The following SLTM variants were observed in gnomAD, a reference collection of about 807,000 sequenced individuals.
The protein encoded by SLTM is SAFB-like transcription modulator.
A neutral mutation model predicts 134.6 loss-of-function variants in SLTM; 43 were observed. The ratio of observed to expected loss-of-function variants is 0.32; its 90% confidence interval spans 0.25 to 0.41. The LOEUF (loss-of-function observed/expected upper bound fraction) is 0.41, where lower values mean the gene tolerates loss of function less well. Ranked by LOEUF, SLTM falls within the 10% of genes least tolerant of loss-of-function variation. The pLI is 1.00. For synonymous variants in SLTM, 424 were observed against 432.3 expected, an observed-to-expected ratio of 0.98 and a Z score of 0.24; for missense variants, 1,055 against 1,288.8, an observed-to-expected ratio of 0.82 and a Z score of 2.78.
intron 8 of SLTM, 147 bp downstream of exon 8, chr15:58,898,656 C>T: frequency 1.6e-6 from 1 of 615,608 alleles, no homozygotes; most frequent in Non-Finnish European, 2.9e-6. Context: ...TATAATTCCA[C>T]AGTTTATATA....
chr15:58,890,434 A>ACG lies in SLTM; in HGVS notation c.1924_1925dup (p.Arg643ValfsTer9). 6.2e-7 allele frequency: 1 copy of ACG among 1,613,756 alleles called. No homozygotes were observed. The highest frequency in any genetic ancestry group is 8.5e-7 in the Non-Finnish European group (1 of 1,179,974). On this transcript the variant is annotated frameshift_variant, in exon 15 of 21. Coordinates refer to ENST00000380516, the MANE Select transcript of SLTM (RefSeq NM_024755.4). LOFTEE classifies it high-confidence loss of function. ...TTATTCTAATGCGTTCTCGCTCTCG[A>ACG]CGCTCTCTCTCTGCAATCTCTCTTC...
At chr15:58,914,468 G>A (rs981356040) in intron 3 of SLTM, among the ~76,000 whole-genome samples, 2 of 152,214 alleles carry the variant, frequency 1.3e-5, no homozygotes, top group South Asian at 2.1e-4. Flanking sequence ...GTGAGGAAAT[G>A]GAAATTTCTA....
At chr15:58,916,843 C>T (rs1246519944) in intron 3 of SLTM, 92 bp downstream of exon 3, 43 of 999,522 alleles carry the variant, frequency 4.3e-5, no homozygotes, top group Admixed American at 7.8e-5. Context: ...CTACATACTT[C>T]AGTGACCATT....
In SLTM at chr15:58,894,108, G is replaced by C. The variant is rs370727636; in HGVS notation, c.1463C>G (p.Thr488Arg). ...TCCTTACTTGCTACTTCTATCACTC[G>C]TATTTTTTTTATCTCCAGAACTTCT... ...SSRSSGDKKN[T>R]SDRSSKTQAS... Residue 488 changes from threonine (T) to arginine (R), a missense_variant, in exon 11 of 21, where the codon ACG (threonine) becomes AGG (arginine). Thr to Arg is a moderately conservative substitution (Grantham distance 71). Around this residue, in one of 3 missense-constraint regions of SLTM, gnomAD observed 776 missense variants for 962.2 expected, o/e 0.81. Transcript: ENST00000380516. The C allele has an allele frequency of 1.2e-6, 2 of 1,604,986 alleles. No individual in the cohort carries two copies. The highest frequency in any genetic ancestry group is 3.5e-5 in the Admixed American group (2 of 57,852).
intron 2 of SLTM, among the ~76,000 whole-genome samples, chr15:58,931,112 T>C (rs910886252): frequency 1.3e-5 from 2 of 152,206 alleles, no homozygotes; most frequent in Non-Finnish European, 2.9e-5. Context: ...CATTTTGAAA[T>C]AGCCTCTGGT....
At chr15:58,914,907 C>G (rs867471415) in intron 3 of SLTM, among the ~76,000 whole-genome samples, 2 of 152,124 alleles carry the variant, frequency 1.3e-5, no homozygotes, top group Non-Finnish European at 2.9e-5. Flanking sequence ...TTTTAAAAAG[C>G]TCCTAGGGCT....
At chr15:58,900,612 C>G (rs566108466) in intron 6 of SLTM, 1 of 152,654 alleles carries the variant, frequency 6.6e-6, no homozygotes, top group African/African-American at 2.4e-5. Flanking sequence ...CAGTCAGTAG[C>G]TTCATTTCAT....
intron 2 of SLTM, chr15:58,921,528 T>C (rs1433888148): frequency 2.3e-6 from 1 of 431,590 alleles, no homozygotes; most frequent in East Asian, 7.2e-5. Context: ...TCCCATACTG[T>C]TTCCAACAGC....
chr15:58,898,788 A>G lies in SLTM; in HGVS notation c.1108+15T>C. On this transcript the variant is annotated intron_variant, in intron 8 of 20. Transcript: ENST00000380516. ...AATGTCAACACTGAAATAAATAGGG[A>G]AAAAAATTCTTTACCTTTGTCATCT... The G allele has an allele frequency of 6.3e-7, 1 of 1,587,300 alleles. No homozygotes were observed. The highest frequency in any genetic ancestry group is 8.6e-7 in the Non-Finnish European group (1 of 1,160,682).
At chr15:58,916,454 G>C (rs140510435) in intron 3 of SLTM, 5 of 153,376 alleles carry the variant, frequency 3.3e-5, no homozygotes, top group African/African-American at 1.2e-4. Context: ...GATTACAGGC[G>C]TAAGCCACGG....
intron 2 of SLTM, among the ~76,000 whole-genome samples, chr15:58,918,488 G>C (rs2036801757): frequency 6.6e-6 from 1 of 152,144 alleles, no homozygotes; most frequent in Non-Finnish European, 1.5e-5. Flanking sequence ...GTGATAAAAG[G>C]GGAAAAGATA....
intron 9 of SLTM, 116 bp from the exon 10 acceptor site, chr15:58,894,698 G>A: frequency 4.9e-6 from 4 of 815,430 alleles, no homozygotes; most frequent in Non-Finnish European, 7.3e-6. Context: ...ATCTTATTCT[G>A]TCTCATGTTT....
rs2035296082 is a variant in SLTM at position 58,899,141 on chromosome 15, T to G, written c.1059-289A>C. On this transcript the variant is annotated intron_variant, in intron 7 of 20. Coordinates refer to ENST00000380516, the MANE Select transcript of SLTM (RefSeq NM_024755.4). This position sits in a 1 kb window ranked among gnomAD's most constrained non-coding sequence, Gnocchi z 5.0. ...TGACTTCATTTTGTGTTCTTAGAACTGATAGTTGTTCATTAACCATCATCA... is the reference window on the plus strand; with the variant it reads ...TGACTTCATTTTGTGTTCTTAGAACGGATAGTTGTTCATTAACCATCATCA... 2.3e-6 allele frequency: 1 copy of G among 435,954 alleles called. No homozygotes were observed. Among genetic ancestry groups the G allele is most frequent in the Non-Finnish European group, 4.0e-6 (1 of 247,856 alleles). 27.0% of individuals were successfully genotyped at this position (435,954 alleles called of 1,614,324 possible). A position where few individuals can be genotyped will look rare whatever the true frequency, so the allele number is the denominator to read the frequency against.
Position 58,887,396 on chromosome 15 carries a change from T to C in SLTM, c.2520A>G (p.Glu840=), listed in dbSNP as rs780798868. ...CCCCTCGTACTTCTCGCCTGTCTGATTCTCTAAGTTCATTTCTTGGTGGTG... is the reference window on the plus strand; with the variant it reads ...CCCCTCGTACTTCTCGCCTGTCTGACTCTCTAAGTTCATTTCTTGGTGGTG... The part of the protein sequence containing the change: ...EPPPPRNELR[E]SDRREVRGER... Residue 840 remains glutamate (E), a synonymous_variant, in exon 18 of 21, where the codon GAA becomes GAG. Transcript: ENST00000380516. 2 of 1,614,082 alleles carry C rather than the reference T, an allele frequency of 1.2e-6. No homozygotes were observed. Among genetic ancestry groups the C allele is most frequent in the Non-Finnish European group, 1.7e-6 (2 of 1,180,004 alleles).
Position 58,898,837 on chromosome 15 carries a change from A to G in SLTM, c.1074T>C (p.Ser358=). ...CTTTAGATGATGTCTTGCTGTCTTT[A>G]GATTCCTTTGAAGAGCTAAAGAGGC... The part of the protein sequence containing the change: ...SGQAKSSSKE[S]KDSKTSSKDD... Residue 358 remains serine, a synonymous_variant, in exon 8 of 21, where the codon TCT becomes TCC. Coordinates refer to ENST00000380516, the MANE Select transcript of SLTM (RefSeq NM_024755.4). The G allele has an allele frequency of 6.2e-7, 1 of 1,609,704 alleles. No homozygotes were observed.
chr15:58,923,023 A>G (rs1432920493), intron 2 of SLTM, among the ~76,000 whole-genome samples: 1 of 152,092 alleles, frequency 6.6e-6, no homozygotes, highest in Admixed American at 6.6e-5. Context: ...GCCGCATTAT[A>G]TATTTTCTGA....
At chr15:58,931,410 A>G (rs1253320211) in intron 2 of SLTM, among the ~76,000 whole-genome samples, 1 of 152,216 alleles carries the variant, frequency 6.6e-6, no homozygotes, top group African/African-American at 2.4e-5. Context: ...TTCAATATTA[A>G]TCCATTCATT....
intron 5 of SLTM, among the ~76,000 whole-genome samples, chr15:58,907,065 A>G (rs2035911620): frequency 6.6e-6 from 1 of 152,240 alleles, no homozygotes; most frequent in Non-Finnish European, 1.5e-5. Context: ...CATATAAGAT[A>G]TATCAAGGAT....
intron 14 of SLTM, among the ~76,000 whole-genome samples, chr15:58,891,009 G>A (rs1486163183): frequency 6.6e-6 from 1 of 152,188 alleles, no homozygotes; most frequent in Admixed American, 6.5e-5. Context: ...CAGGTAACAT[G>A]CTTTTCTGAG....
Sources: allele counts gnomAD v4.1 joint callset (sites outside exome capture counted in the v4.1 genomes callset), GRCh38; gene constraint gnomAD v4.1.1; regional missense constraint gnomAD v4.1.1; non-coding constraint Gnocchi (gnomAD v3.1); transcripts MANE v1.5; gene names NCBI Gene and HGNC (gene_info 2026-07-23, HGNC 2026-07-21).